The following GPR19 variants were observed in gnomAD, a reference collection of about 807,000 sequenced individuals.
The protein encoded by GPR19 is G protein-coupled receptor 19, also known as probable G protein-coupled receptor 19.
GPR19 carries 14 observed loss-of-function variants against 28.5 expected under a neutral mutation model. The ratio of observed to expected loss-of-function variants is 0.49; its 90% CI spans 0.32 to 0.77. The LOEUF (loss-of-function observed/expected upper bound fraction) is 0.77. Ranked by LOEUF, GPR19 falls within the 30% of genes least tolerant of loss-of-function variation. GPR19 has a pLI of 0.03. For missense variants in GPR19, 409 were observed against 504.1 expected, an observed-to-expected ratio of 0.81 and a Z score of 1.81; for synonymous variants, 173 against 184.1, an observed-to-expected ratio of 0.94 and a Z score of 0.49.
the GPR19 span, among the ~76,000 whole-genome samples, chr12:12,702,570 GT>G: frequency 6.6e-6 from 1 of 152,074 alleles, no homozygotes; most frequent in Non-Finnish European, 1.5e-5. Flanking sequence ...AAAGACCCTA[GT>G]TTTCTGGATC....
At chr12:12,663,502 A>G (rs1321806957) in intron 3 of GPR19, among the ~76,000 whole-genome samples, 1 of 152,192 alleles carries the variant, frequency 6.6e-6, no homozygotes, top group Non-Finnish European at 1.5e-5. Context: ...CTTAGATACA[A>G]AAGAATATTT....
At chr12:12,670,046 T>C (rs566177141) in intron 3 of GPR19, among the ~76,000 whole-genome samples, 3 of 152,270 alleles carry the variant, frequency 2.0e-5, no homozygotes, top group Non-Finnish European at 2.9e-5. Context: ...AAGACTGATA[T>C]GAACATTAGG....
chr12:12,678,822 A>T (rs1945976898), intron 3 of GPR19, among the ~76,000 whole-genome samples: 1 of 152,194 alleles, frequency 6.6e-6, no homozygotes, highest in South Asian at 2.1e-4. Context: ...TTTGAGACAG[A>T]GTCGCACTCT....
chr12:12,681,377 C>T (rs1420081408), intron 3 of GPR19, among the ~76,000 whole-genome samples: 1 of 152,240 alleles, frequency 6.6e-6, no homozygotes, highest in Admixed American at 6.5e-5. Context: ...CTTATTTCTG[C>T]TTTCACCCCT....
At chr12:12,684,136 C>T (rs1423728070) in intron 3 of GPR19, 1 of 152,146 alleles carries the variant, frequency 6.6e-6, no homozygotes, top group Non-Finnish European at 1.5e-5. Flanking sequence ...TATCACTATA[C>T]ACAATTTCCA....
chr12:12,676,080 T>C (rs1243329567), intron 3 of GPR19, among the ~76,000 whole-genome samples: 1 of 152,236 alleles, frequency 6.6e-6, no homozygotes, highest in Non-Finnish European at 1.5e-5. Context: ...CACCTTCTAA[T>C]ACCCTACTAG....
chr12:12,696,645 G>A (rs574681054), upstream of GPR19, among the ~76,000 whole-genome samples: 1 of 152,340 alleles, frequency 6.6e-6, no homozygotes, highest in South Asian at 2.1e-4. Flanking sequence ...CTACGAAAAA[G>A]CCCATTGGCG....
At chr12:12,717,124 T>G in the GPR19 span, 153 of 1,019,530 alleles carry the variant, frequency 1.5e-4, 1 homozygote, top group South Asian at 3.9e-3. Flanking sequence ...TTGTCTTAAT[T>G]TTAATTTCTC....
At chr12:12,667,051 C>T (rs564734698) in intron 3 of GPR19, among the ~76,000 whole-genome samples, 2 of 152,214 alleles carry the variant, frequency 1.3e-5, no homozygotes, top group African/African-American at 4.8e-5. Flanking sequence ...AGAAAGGCCT[C>T]CCCTGCTCCA....
intron 3 of GPR19, among the ~76,000 whole-genome samples, chr12:12,664,763 A>T (rs994308284): frequency 1.3e-5 from 2 of 151,948 alleles, no homozygotes; most frequent in African/African-American, 2.4e-5. Context: ...TACTAAAAAT[A>T]CAAAAGATTA....
intron 3 of GPR19, among the ~76,000 whole-genome samples, chr12:12,673,906 C>T (rs1267156204): frequency 6.6e-6 from 1 of 151,960 alleles, no homozygotes; most frequent in Non-Finnish European, 1.5e-5. Flanking sequence ...ACTTTAGTTG[C>T]TGTGTAGGTG....
intron 3 of GPR19, among the ~76,000 whole-genome samples, chr12:12,671,142 T>TA (rs535517127): frequency 0.02 from 2,777 of 137,820 alleles, 82 homozygotes; most frequent in African/African-American, 0.065. Flanking sequence ...CTACTAAAAA[T>TA]AAAAAAAAAA....
At chr12:12,665,966 A>G (rs188723381) in intron 3 of GPR19, among the ~76,000 whole-genome samples, 1 of 152,204 alleles carries the variant, frequency 6.6e-6, no homozygotes, top group Admixed American at 6.5e-5. Context: ...ATAGGGACCC[A>G]GTTTTGCCCG....
rs141050819 is a variant in GPR19 at position 12,674,190 on chromosome 12, C to T, written c.-23+10161G>A. On this transcript the variant is annotated intron_variant, in intron 3 of 3. Coordinates refer to ENST00000651487, the MANE Select transcript of GPR19 (RefSeq NM_006143.3). The stretch of plus-strand genomic sequence containing the variant: ...TTGTACCACTGCACTCCAACCTGGG[C>T]GACAGCCAGACTTTGTCTCAAAAAA... 6.0e-5 allele frequency among the ~76,000 whole-genome samples: 7 copies of T among 116,862 alleles called. No individual in the cohort carries two copies. The East Asian group carries it at 1.3e-3, about 22-fold the overall frequency. The allele number at this position is 116,862 out of a possible 152,430, so 76.7% of individuals were successfully genotyped here. A position where few individuals can be genotyped will look rare whatever the true frequency, so the allele number is the denominator to read the frequency against.
chr12:12,688,933 C>G (rs1946135118), intron 2 of GPR19: 3 of 152,330 alleles, frequency 2.0e-5, no homozygotes, highest in South Asian at 4.1e-4. Flanking sequence ...TAGGTTGTTC[C>G]TGCATTGCAA....
chr12:12,709,596 C>T, the GPR19 span, among the ~76,000 whole-genome samples: 1 of 152,070 alleles, frequency 6.6e-6, no homozygotes, highest in Non-Finnish European at 1.5e-5. Flanking sequence ...CATGCCACCA[C>T]ACCTGGTTAA....
In GPR19 at chr12:12,661,099, T is replaced by C; in HGVS notation, c.*102A>G. 1.3e-6 allele frequency: 1 copy of C among 797,392 alleles called. No individual in the cohort carries two copies. The allele number at this position is 797,392 out of a possible 1,614,324, so 49.4% of individuals were successfully genotyped here. A position where few individuals can be genotyped will look rare whatever the true frequency, so the allele number is the denominator to read the frequency against. ...TGAATGCATTTTACAAAATAAAACA[T>C]TTCCCTTGGAAAGTTGAGTGAAAAC... On this transcript the variant is annotated 3_prime_UTR_variant, in exon 4 of 4. Coordinates refer to ENST00000651487, the MANE Select transcript of GPR19 (RefSeq NM_006143.3). This position sits in a 1 kb window ranked among gnomAD's most constrained non-coding sequence, Gnocchi z 4.2.
the GPR19 span, among the ~76,000 whole-genome samples, chr12:12,709,042 C>T: frequency 1.7e-4 from 15 of 89,652 alleles, no homozygotes; most frequent in Non-Finnish European, 3.5e-4. Flanking sequence ...AGCAAGACTC[C>T]GTCTAAAAAA....
At chr12:12,691,121 G>A (rs1946174503) in intron 2 of GPR19, among the ~76,000 whole-genome samples, 1 of 151,700 alleles carries the variant, frequency 6.6e-6, no homozygotes, top group East Asian at 1.9e-4. Flanking sequence ...TTCCACGCTG[G>A]TGGATAAGCT....
Sources: gnomAD v4.1 joint callset for allele counts (sites outside exome capture counted in the v4.1 genomes callset) on GRCh38, gnomAD v4.1.1 for gene constraint, Gnocchi (gnomAD v3.1) non-coding constraint, MANE v1.5 for transcripts, NCBI Gene and HGNC (gene_info 2026-07-23, HGNC 2026-07-21) for gene names.